SYTL5: variants seen among roughly 807,000 people sequenced by gnomAD.
The protein encoded by SYTL5 is synaptotagmin like 5.
Under a neutral mutation model 55.9 loss-of-function variants are expected in SYTL5, and 34 were observed. That is an observed-to-expected ratio of 0.61 (90% confidence interval 0.46 to 0.81). The LOEUF (loss-of-function observed/expected upper bound fraction) is 0.81, where lower values mean the gene tolerates loss of function less well. Among genes scored for constraint, SYTL5 ranks in the 30% least tolerant of loss-of-function variants. SYTL5 has a pLI of 0.00. For missense variants in SYTL5, 637 were observed against 546.7 expected, an observed-to-expected ratio of 1.17 and a Z score of -1.65; for synonymous variants, 221 against 188.7, an observed-to-expected ratio of 1.17 and a Z score of -1.40.
intron 9 of SYTL5, among the ~76,000 whole-genome samples, chrX:38,101,354 T>C (rs1234080887): frequency 9.0e-6 from 1 of 111,231 alleles, no homozygotes; most frequent in Non-Finnish European, 1.9e-5. Flanking sequence ...CTGTATCTTA[T>C]AATAAAGACT....
chrX:37,918,015 T>C, the SYTL5 span, among the ~76,000 whole-genome samples: 1 of 111,790 alleles, frequency 8.9e-6, no homozygotes, highest in African/African-American at 3.3e-5. Context: ...CTTAAGTTTT[T>C]TAGTTGAAAA....
rs144999296 is a variant in SYTL5 at position 38,012,811 on chromosome X, A to G, written c.-357+6143A>G. 9.4e-3 allele frequency among the ~76,000 whole-genome samples: 1,060 copies of G among 112,242 alleles called. 7 individuals carry two copies. Among genetic ancestry groups the G allele is most frequent in the Middle Eastern group, 0.042 (9 of 216 alleles). ...TTATATCAAAGATCAGTTTTCAAAC[A>G]AAGCAGTAAGAGCCTATTGCAAAAT... On this transcript the variant is annotated intron_variant, in intron 1 of 16. Transcript: ENST00000297875.
At chrX:38,043,661 G>GTA (rs35312093) in intron 2 of SYTL5, among the ~76,000 whole-genome samples, 2,040 of 49,866 alleles carry the variant, frequency 0.041, 42 homozygotes, top group Admixed American at 0.054. Context: ...ATGTATGTAT[G>GTA]TATATATATA....
intron 2 of SYTL5, among the ~76,000 whole-genome samples, chrX:38,048,771 A>G (rs924678211): frequency 8.1e-5 from 9 of 111,478 alleles, no homozygotes; most frequent in African/African-American, 2.9e-4. Context: ...ACACCTGGGA[A>G]TTATGGGAGC....
chrX:38,007,843 T>C (rs1439618184), intron 1 of SYTL5, among the ~76,000 whole-genome samples: 1 of 111,472 alleles, frequency 9.0e-6, no homozygotes, highest in East Asian at 2.8e-4. Context: ...ACTGAGAAAA[T>C]GTCTTACTGC....
the SYTL5 span, among the ~76,000 whole-genome samples, chrX:37,905,430 T>C: frequency 2.4e-5 from 1 of 41,503 alleles, no homozygotes; most frequent in Admixed American, 3.3e-4. Context: ...GGCCATGGTG[T>C]GTGTGTGTGG....
chrX:37,971,763 G>A, the SYTL5 span, among the ~76,000 whole-genome samples: 1 of 110,328 alleles, frequency 9.1e-6, no homozygotes, highest in Non-Finnish European at 1.9e-5. Flanking sequence ...AACCTATGGA[G>A]CGCCCAGAAG....
chrX:38,090,485 G>T (rs772001958), intron 7 of SYTL5, among the ~76,000 whole-genome samples: 1 of 112,134 alleles, frequency 8.9e-6, no homozygotes, highest in East Asian at 2.8e-4. Context: ...TCTGTTGGAA[G>T]TTATATTTGG....
At chrX:37,961,080 G>A in the SYTL5 span, among the ~76,000 whole-genome samples, 4 of 110,449 alleles carry the variant, frequency 3.6e-5, no homozygotes, top group African/African-American at 9.9e-5. Context: ...CACCGCGCCC[G>A]GCCTCCTCCA....
chrX:38,110,002 A>G (rs1366318156), intron 12 of SYTL5, among the ~76,000 whole-genome samples: 1 of 111,166 alleles, frequency 9.0e-6, no homozygotes, highest in South Asian at 3.8e-4. Flanking sequence ...AAAATAATTA[A>G]GGAAAATGAA....
chrX:38,006,050 A>C (rs1933979919), upstream of SYTL5, among the ~76,000 whole-genome samples: 1 of 112,208 alleles, frequency 8.9e-6, no homozygotes, highest in Non-Finnish European at 1.9e-5. Context: ...CTATGATTAG[A>C]TACCTGGACT....
the SYTL5 span, among the ~76,000 whole-genome samples, chrX:38,000,931 C>T: frequency 3.6e-5 from 4 of 111,749 alleles, no homozygotes; most frequent in African/African-American, 6.5e-5. Context: ...CAGTGCCTGT[C>T]GGTGCGCTCT....
intron 3 of SYTL5, among the ~76,000 whole-genome samples, chrX:38,062,839 A>G (rs1276725746): frequency 8.9e-6 from 1 of 112,128 alleles, no homozygotes; most frequent in Non-Finnish European, 1.9e-5. Context: ...TTTCTTGACT[A>G]ATGTGAATAA....
At chrX:38,099,698 T>G (rs761528441) in intron 9 of SYTL5, among the ~76,000 whole-genome samples, 69 of 111,502 alleles carry the variant, frequency 6.2e-4, no homozygotes, top group Non-Finnish European at 1.1e-3. Context: ...ATGTTGGGTA[T>G]AATGTTAGCT....
Position 38,028,218 on chromosome X carries a change from C to G in SYTL5, c.-356-5316C>G, listed in dbSNP as rs376689870. ...CTTACCACAAGTCAGAAACCCTGTA[C>G]AGGGAATGTGTAGACAAGATATAAG... On this transcript the variant is annotated intron_variant, in intron 1 of 16. Coordinates refer to ENST00000297875, the MANE Select transcript of SYTL5 (RefSeq NM_138780.3). Among the ~76,000 whole-genome samples, 12 of 111,814 alleles carry G rather than the reference C, an allele frequency of 1.1e-4. No homozygotes were observed. The East Asian group carries it at 2.0e-3, about 18-fold the overall frequency.
chrX:38,082,883 T>A (rs1936568729), intron 6 of SYTL5, among the ~76,000 whole-genome samples: 1 of 111,979 alleles, frequency 8.9e-6, no homozygotes, highest in Non-Finnish European at 1.9e-5. Context: ...TGAAGTATGG[T>A]GTACAAGAGA....
chrX:37,944,624 A>G, the SYTL5 span, among the ~76,000 whole-genome samples: 2 of 111,581 alleles, frequency 1.8e-5, no homozygotes, highest in Admixed American at 1.9e-4. Context: ...TGCGGGCACA[A>G]CTGAAAGTAA....
intron 1 of SYTL5, among the ~76,000 whole-genome samples, chrX:38,031,797 C>A (rs1934960322): frequency 8.9e-6 from 1 of 111,907 alleles, no homozygotes; most frequent in Non-Finnish European, 1.9e-5. Flanking sequence ...TCTGAAAAGC[C>A]CTGTTTATCC....
chrX:37,908,896 GA>G, the SYTL5 span, among the ~76,000 whole-genome samples: 4 of 110,983 alleles, frequency 3.6e-5, no homozygotes, highest in East Asian at 5.6e-4. Flanking sequence ...ATTTAGTGAG[GA>G]AAAAAAACTG....
Sources: gnomAD v4.1 joint callset for allele counts (sites outside exome capture counted in the v4.1 genomes callset) on GRCh38, gnomAD v4.1.1 for gene constraint, MANE v1.5 for transcripts, NCBI Gene and HGNC (gene_info 2026-07-23, HGNC 2026-07-21) for gene names.